TASP1: variants seen among roughly 807,000 people sequenced by gnomAD.
TASP1 encodes the protein threonine aspartase 1.
In TASP1, 16 loss-of-function variants were observed where a neutral mutation model predicts 56.6. The observed-to-expected ratio is 0.28, with a 90% CI of 0.19 to 0.43. The LOEUF is 0.43. TASP1 is among the 20% of genes least tolerant of loss of function. The pLI, the probability that TASP1 is intolerant of heterozygous loss-of-function variation, is 1.00. For missense variants in TASP1, 393 were observed against 511.6 expected (o/e 0.77, Z 2.24); for synonymous variants, 179 against 184.2 (o/e 0.97, Z 0.23).
At chr20:13,274,913 TA>T in the TASP1 span, among the ~76,000 whole-genome samples, 6 of 152,182 alleles carry the variant, frequency 3.9e-5, no homozygotes, top group African/African-American at 1.4e-4. Context: ...ATATGAAATT[TA>T]AAACAATATA....
At chr20:13,136,537 T>C in the TASP1 span, among the ~76,000 whole-genome samples, 2 of 151,362 alleles carry the variant, frequency 1.3e-5, no homozygotes, top group South Asian at 4.2e-4. Context: ...GAGGCAGAAG[T>C]TGCAGTGAGA....
the TASP1 span, among the ~76,000 whole-genome samples, chr20:13,273,727 G>A: frequency 4.6e-5 from 7 of 152,124 alleles, no homozygotes; most frequent in Non-Finnish European, 7.4e-5. Flanking sequence ...AAATTAATGC[G>A]GCTCCAGCCT....
chr20:13,380,502 G>A, the TASP1 span, among the ~76,000 whole-genome samples: 1 of 152,124 alleles, frequency 6.6e-6, no homozygotes, highest in Non-Finnish European at 1.5e-5. Context: ...CCTGTATGAG[G>A]TGTCTGTCAA....
chr20:13,299,935 G>C, the TASP1 span: 43 of 153,160 alleles, frequency 2.8e-4, no homozygotes, highest in African/African-American at 1.0e-3. This position sits in a 1 kb window ranked among gnomAD's most constrained non-coding sequence, Gnocchi z 5.8. Context: ...AGATCAGAAA[G>C]AAAGAGACTT....
chr20:13,520,213 A>T (rs985987200), intron 10 of TASP1, among the ~76,000 whole-genome samples: 1 of 152,166 alleles, frequency 6.6e-6, no homozygotes, highest in Non-Finnish European at 1.5e-5. Flanking sequence ...TAATTTATAG[A>T]TTCAATGCCA....
the TASP1 span, among the ~76,000 whole-genome samples, chr20:13,337,220 GAC>G: frequency 6.6e-6 from 1 of 152,168 alleles, no homozygotes; most frequent in Non-Finnish European, 1.5e-5. Flanking sequence ...CACCTGGAAG[GAC>G]ACAGTTTTGA....
chr20:13,387,930 C>G (rs945510852), downstream of TASP1, among the ~76,000 whole-genome samples: 7 of 152,230 alleles, frequency 4.6e-5, no homozygotes, highest in African/African-American at 1.4e-4. Context: ...CACAGGCACT[C>G]CAGGTGCCTT....
At chr20:13,482,252 ATATTCT>A (rs1396416294) in intron 11 of TASP1, among the ~76,000 whole-genome samples, 2 of 152,036 alleles carry the variant, frequency 1.3e-5, no homozygotes, top group Non-Finnish European at 2.9e-5. Flanking sequence ...TCTGGGTTCT[ATATTCT>A]GTTCCATTGG....
At chr20:13,214,191 C>T in the TASP1 span, among the ~76,000 whole-genome samples, 2 of 152,140 alleles carry the variant, frequency 1.3e-5, no homozygotes, top group Non-Finnish European at 2.9e-5. Flanking sequence ...GATCTCCTTA[C>T]TCTTAAGAAA....
At chr20:13,461,491 C>G (rs2044049972) in intron 11 of TASP1, among the ~76,000 whole-genome samples, 1 of 152,100 alleles carries the variant, frequency 6.6e-6, no homozygotes, top group Non-Finnish European at 1.5e-5. Context: ...TGGAGCCACC[C>G]CGATGGAAGG....
the TASP1 span, among the ~76,000 whole-genome samples, chr20:13,369,378 G>GGAGGTTGCAGTGAGCC: frequency 6.6e-6 from 1 of 152,176 alleles, no homozygotes; most frequent in Non-Finnish European, 1.5e-5. Flanking sequence ...CCCAGGAGGT[G>GGAGGTTGCAGTGAGCC]GAGGTTGCAG....
chr20:13,576,377 G>GAAAGAAAGAAAGAAAGAAAGAA (rs2046925417), intron 6 of TASP1, among the ~76,000 whole-genome samples: 22 of 71,212 alleles, frequency 3.1e-4, no homozygotes, highest in African/African-American at 7.5e-4. Context: ...AAGAAAGAAA[G>GAAAGAAAGAAAGAAAGAAAGAA]AAAGAAAGAA....
chr20:13,528,368 CT>C (rs1410849363), intron 10 of TASP1, 64 bp downstream of exon 10: 1 of 1,405,046 alleles, frequency 7.1e-7, no homozygotes, highest in Non-Finnish European at 9.9e-7. Context: ...ACAAATATTG[CT>C]TTTAATCATT....
chr20:13,258,657 AC>A, the TASP1 span, among the ~76,000 whole-genome samples: 3 of 152,148 alleles, frequency 2.0e-5, no homozygotes, highest in African/African-American at 7.2e-5. Flanking sequence ...ACCTCAGTTA[AC>A]TGAGGTTCTC....
the TASP1 span, chr20:13,126,753 T>C: frequency 3.7e-6 from 6 of 1,610,486 alleles, no homozygotes; most frequent in Non-Finnish European, 3.4e-6. Flanking sequence ...CTCCTGGACC[T>C]CTCTGTCTCC....
intron 5 of TASP1, 35 bp from the exon 6 acceptor site, chr20:13,581,016 G>C: frequency 6.4e-7 from 1 of 1,561,754 alleles, no homozygotes; most frequent in Non-Finnish European, 8.7e-7. Flanking sequence ...CAAAAAAGAT[G>C]TCAGAAATGT....
chr20:13,270,485 GC>G, the TASP1 span: 1 of 1,601,798 alleles, frequency 6.2e-7, no homozygotes, highest in African/African-American at 1.3e-5. Context: ...ACAGGTGTTT[GC>G]TTGTTTGTTT....
the TASP1 span, among the ~76,000 whole-genome samples, chr20:13,151,181 T>C: frequency 1.3e-5 from 2 of 152,258 alleles, no homozygotes; most frequent in Non-Finnish European, 2.9e-5. Context: ...CAGATTCTGC[T>C]AATAAGCTTT....
At chr20:13,291,774 C>T in the TASP1 span, among the ~76,000 whole-genome samples, 2 of 152,174 alleles carry the variant, frequency 1.3e-5, no homozygotes, top group Non-Finnish European at 2.9e-5. Flanking sequence ...GTAGCATCCT[C>T]AGTGAGCTAG....
Sources: allele counts gnomAD v4.1 joint callset (sites outside exome capture counted in the v4.1 genomes callset), GRCh38; gene constraint gnomAD v4.1.1; non-coding constraint Gnocchi (gnomAD v3.1); transcripts MANE v1.5; gene names NCBI Gene and HGNC (gene_info 2026-07-23, HGNC 2026-07-21).